The following SORCS3 variants were observed in gnomAD, a reference collection of about 807,000 sequenced individuals.
SORCS3 encodes VPS10 domain-containing receptor SorCS3.
Under a neutral mutation model 146.3 loss-of-function variants are expected in SORCS3, and 57 were observed. The ratio of observed to expected loss-of-function variants is 0.39; its 90% confidence interval spans 0.31 to 0.49. The LOEUF is 0.49. SORCS3 is among the 20% of genes least tolerant of loss of function. The pLI is 0.92. For synonymous variants in SORCS3, 653 were observed against 618.5 expected, an observed-to-expected ratio of 1.06 and a Z score of -0.83; for missense variants, 1,341 against 1,575.5, an observed-to-expected ratio of 0.85 and a Z score of 2.52.
At chr10:105,032,737 A>T (rs1300156542) in intron 4 of SORCS3, among the ~76,000 whole-genome samples, 1 of 152,188 alleles carries the variant, frequency 6.6e-6, no homozygotes, top group African/African-American at 2.4e-5. Context: ...CTTCTTTTAG[A>T]TTCAGGCCTT....
chr10:104,835,325 T>A (rs2018054390), intron 1 of SORCS3, among the ~76,000 whole-genome samples: 1 of 152,168 alleles, frequency 6.6e-6, no homozygotes, highest in African/African-American at 2.4e-5. Context: ...TGTCTACCAC[T>A]CCTGGTAAAG....
At chr10:104,819,428 C>T (rs962068857) in intron 1 of SORCS3, among the ~76,000 whole-genome samples, 1 of 152,172 alleles carries the variant, frequency 6.6e-6, no homozygotes, top group Non-Finnish European at 1.5e-5. Context: ...CTCACTCTCC[C>T]ACCCACACAC....
At chr10:104,778,329 G>A (rs1403467016) in intron 1 of SORCS3, among the ~76,000 whole-genome samples, 3 of 152,190 alleles carry the variant, frequency 2.0e-5, no homozygotes, top group East Asian at 1.9e-4. Flanking sequence ...TGCTTCAAAG[G>A]TGCTTCTGAC....
chr10:104,948,689 T>C (rs2019398021), intron 3 of SORCS3, among the ~76,000 whole-genome samples: 1 of 152,212 alleles, frequency 6.6e-6, no homozygotes, highest in South Asian at 2.1e-4. Context: ...AAGGAACCTC[T>C]GCAAGAGGAA....
chr10:104,772,590 C>T (rs181668734), intron 1 of SORCS3, among the ~76,000 whole-genome samples: 17 of 152,292 alleles, frequency 1.1e-4, no homozygotes, highest in African/African-American at 3.1e-4. Context: ...TCTCACATGA[C>T]GTTATTCCCC....
chr10:104,890,191 G>A (rs896548674), intron 2 of SORCS3, among the ~76,000 whole-genome samples: 8 of 151,882 alleles, frequency 5.3e-5, no homozygotes, highest in Middle Eastern at 6.8e-3. Flanking sequence ...CTCGGATATC[G>A]ACTTATAGTT....
intron 6 of SORCS3, among the ~76,000 whole-genome samples, chr10:105,097,869 G>A (rs2055757674): frequency 1.3e-5 from 2 of 152,232 alleles, no homozygotes; most frequent in African/African-American, 2.4e-5. Context: ...CTGAACATGG[G>A]CAAAACATTC....
At chr10:105,255,050 A>G (rs1296132283) in intron 23 of SORCS3, among the ~76,000 whole-genome samples, 2 of 150,722 alleles carry the variant, frequency 1.3e-5, no homozygotes, top group Non-Finnish European at 3.0e-5. Context: ...TAGCCGGGCG[A>G]GGAGGCGTGC....
intron 1 of SORCS3, among the ~76,000 whole-genome samples, chr10:104,675,430 T>C (rs2015901989): frequency 2.6e-5 from 4 of 152,210 alleles, no homozygotes; most frequent in Admixed American, 1.3e-4. Context: ...TGTTTTTTTC[T>C]TTTAAGGTTA....
At chr10:104,841,896 C>T (rs938216012) in intron 1 of SORCS3, among the ~76,000 whole-genome samples, 1 of 152,164 alleles carries the variant, frequency 6.6e-6, no homozygotes, top group African/African-American at 2.4e-5. Context: ...GTGTATTATG[C>T]ACCTGCGTTT....
intron 20 of SORCS3, among the ~76,000 whole-genome samples, chr10:105,242,885 TATA>T (rs1159922474): frequency 6.5e-5 from 7 of 108,348 alleles, no homozygotes; most frequent in Non-Finnish European, 5.0e-5. Context: ...ATAAATTATA[TATA>T]ATATATGATA....
intron 1 of SORCS3, among the ~76,000 whole-genome samples, chr10:104,696,473 A>AATATATAAT (rs2016200675): frequency 3.7e-5 from 1 of 26,764 alleles, no homozygotes; most frequent in Non-Finnish European, 8.9e-5. Context: ...TAATATATAG[A>AATATATAAT]ATATAGAATA....
intron 5 of SORCS3, among the ~76,000 whole-genome samples, chr10:105,061,595 C>A (rs1343223826): frequency 6.6e-6 from 1 of 151,148 alleles, no homozygotes; most frequent in Non-Finnish European, 1.5e-5. Flanking sequence ...GCGCCTGGCC[C>A]CCTTTTTTTA....
intron 2 of SORCS3, among the ~76,000 whole-genome samples, chr10:104,867,686 C>T (rs2018474959): frequency 6.6e-6 from 1 of 152,082 alleles, no homozygotes; most frequent in Non-Finnish European, 1.5e-5. Flanking sequence ...CCTACATGCC[C>T]TGCTTGCTTG....
At chr10:104,805,696 G>A (rs2017672618) in intron 1 of SORCS3, among the ~76,000 whole-genome samples, 1 of 152,042 alleles carries the variant, frequency 6.6e-6, no homozygotes, top group African/African-American at 2.4e-5. Context: ...GGGACCTGAT[G>A]CAAGTAAAAG....
chr10:105,202,702 A>C (rs1589686460), intron 16 of SORCS3, among the ~76,000 whole-genome samples: 1 of 152,288 alleles, frequency 6.6e-6, no homozygotes, highest in East Asian at 1.9e-4. Flanking sequence ...GTAAACATTC[A>C]ATAAAGAGTT....
rs567554361 is a variant in SORCS3 at position 104,666,939 on chromosome 10, T to C, written c.627+24985T>C. 7.2e-5 allele frequency among the ~76,000 whole-genome samples: 11 copies of C among 152,096 alleles called. No individual in the cohort carries two copies. In the South Asian group the frequency reaches 2.3e-3, roughly 32 times the overall value. On this transcript the variant is annotated intron_variant, in intron 1 of 26. Coordinates refer to ENST00000369701, the MANE Select transcript of SORCS3 (RefSeq NM_014978.3). ...TAACACGGCTAGAAAATGGCAGAGCTGAAAATTATTAGGGGCATAAGATGT... is the reference window on the plus strand; with the variant it reads ...TAACACGGCTAGAAAATGGCAGAGCCGAAAATTATTAGGGGCATAAGATGT...
chr10:105,245,577 A>C lies in SORCS3; in HGVS notation c.2904A>C (p.Thr968=). The part of the protein sequence containing the change: ...LITLDSSISF[T]FLAEGTDTIT... Reference sequence around the variant, plus strand: ...CTTTGGACAGCAGCATTTCCTTCACATTCCTTGCAGAAGGAACCGACACCA... The same window carrying C: ...CTTTGGACAGCAGCATTTCCTTCACCTTCCTTGCAGAAGGAACCGACACCA... The change falls in exon 21 of 27, where the codon ACA becomes ACC. Residue 968 remains threonine (T), a synonymous_variant. Coordinates refer to ENST00000369701, the MANE Select transcript of SORCS3 (RefSeq NM_014978.3). 5.6e-6 allele frequency: 9 copies of C among 1,614,096 alleles called. No homozygotes were observed. The highest frequency in any genetic ancestry group is 7.6e-6 in the Non-Finnish European group (9 of 1,180,002).
intron 2 of SORCS3, among the ~76,000 whole-genome samples, chr10:104,859,488 C>A (rs1209490065): frequency 2.0e-5 from 3 of 152,124 alleles, no homozygotes; most frequent in Non-Finnish European, 4.4e-5. Flanking sequence ...TAGGCATTAC[C>A]ATTCAGGACA....
Sources: gnomAD v4.1 joint callset for allele counts (sites outside exome capture counted in the v4.1 genomes callset) on GRCh38, gnomAD v4.1.1 for gene constraint, MANE v1.5 for transcripts, NCBI Gene and HGNC (gene_info 2026-07-23, HGNC 2026-07-21) for gene names.